SLCO3A1: variants seen among roughly 807,000 people sequenced by gnomAD.
SLCO3A1 encodes PGE1 transporter.
In SLCO3A1, 27 loss-of-function variants were observed where a neutral mutation model predicts 63.1. The ratio of observed to expected loss-of-function variants is 0.43; its 90% CI spans 0.32 to 0.59. SLCO3A1 has a LOEUF of 0.59. SLCO3A1 is among the 20% of genes least tolerant of loss of function. The pLI, the probability that SLCO3A1 is intolerant of heterozygous loss-of-function variation, is 0.09. For synonymous variants in SLCO3A1, 473 were observed against 409.9 expected, an observed-to-expected ratio of 1.15 and a Z score of -1.86; for missense variants, 773 against 945.8, an observed-to-expected ratio of 0.82 and a Z score of 2.40.
At chr15:92,088,358 CA>C (rs1192762648) in intron 2 of SLCO3A1, among the ~76,000 whole-genome samples, 1 of 152,110 alleles carries the variant, frequency 6.6e-6, no homozygotes, top group Non-Finnish European at 1.5e-5. Flanking sequence ...ATGACACACA[CA>C]AAAAAATGTT....
At chr15:91,972,371 C>T (rs960413730) in intron 2 of SLCO3A1, among the ~76,000 whole-genome samples, 11 of 151,992 alleles carry the variant, frequency 7.2e-5, no homozygotes, top group African/African-American at 2.7e-4. Flanking sequence ...GATGGAGGAG[C>T]CCCCATGATG....
At chr15:91,903,625 G>C (rs1445197462) in intron 1 of SLCO3A1, among the ~76,000 whole-genome samples, 3 of 152,154 alleles carry the variant, frequency 2.0e-5, no homozygotes, top group African/African-American at 4.8e-5. Flanking sequence ...AGTGGACACA[G>C]CTAGGGTGAA....
At position 91,897,750 on chromosome 15, in the gene SLCO3A1, C is replaced by A. The variant is rs1176908703; in HGVS notation, c.181-18243C>A. Among the ~76,000 whole-genome samples, 3 of 152,252 alleles carry A rather than the reference C, an allele frequency of 2.0e-5. No individual in the cohort carries two copies. The highest frequency in any genetic ancestry group is 2.1e-4 in the South Asian group (1 of 4,820). ...GGCTGAGTCTACCCTGCAGCGTGGG[C>A]TCCAGCAGCAGTGTGTTAAGGGCAG... On this transcript the variant is annotated intron_variant, in intron 1 of 9. Coordinates refer to ENST00000318445, the MANE Select transcript of SLCO3A1 (RefSeq NM_013272.4). The surrounding 1 kb of genome is among the most constrained non-coding windows in gnomAD (Gnocchi z 4.7).
rs561290898 is a variant in SLCO3A1 at position 91,916,707 on chromosome 15, T to G, written c.646+249T>G. On this transcript the variant is annotated intron_variant, in intron 2 of 9. Transcript: ENST00000318445. The surrounding 1 kb of genome is among the most constrained non-coding windows in gnomAD (Gnocchi z 6.2). ...GGCTAGACCACTAACACCGCTTCAGTGGGAAAACATGATCGGGAGGAGTTG... is the reference window on the plus strand; with the variant it reads ...GGCTAGACCACTAACACCGCTTCAGGGGGAAAACATGATCGGGAGGAGTTG... 4.4e-3 allele frequency among the ~76,000 whole-genome samples: 676 copies of G among 152,314 alleles called. 2 individuals carry two copies. Among genetic ancestry groups the G allele is most frequent in the Middle Eastern group, 6.8e-3 (2 of 294 alleles).
At chr15:91,899,253 G>A (rs992509002) in intron 1 of SLCO3A1, among the ~76,000 whole-genome samples, 9 of 152,138 alleles carry the variant, frequency 5.9e-5, no homozygotes, top group African/African-American at 1.9e-4. Context: ...GACTTAGAAG[G>A]GAAGCTAGTT....
intron 2 of SLCO3A1, among the ~76,000 whole-genome samples, chr15:91,946,987 C>A (rs6496880): frequency 6.6e-6 from 1 of 152,078 alleles, no homozygotes; most frequent in Non-Finnish European, 1.5e-5. Flanking sequence ...GTCAATGGTG[C>A]TCACGGAGGA....
At chr15:92,136,700 G>C (rs1464185820) in intron 7 of SLCO3A1, among the ~76,000 whole-genome samples, 1 of 152,134 alleles carries the variant, frequency 6.6e-6, no homozygotes, top group African/African-American at 2.4e-5. Context: ...GTATAAAAAG[G>C]AGGATATGAG....
At chr15:92,135,531 C>T (rs1023846371) in intron 7 of SLCO3A1, among the ~76,000 whole-genome samples, 10 of 152,108 alleles carry the variant, frequency 6.6e-5, no homozygotes, top group East Asian at 1.9e-4. Flanking sequence ...TTGCCATTGG[C>T]GCCCTTTGTG....
chr15:92,012,811 C>T (rs1201187009), intron 2 of SLCO3A1, among the ~76,000 whole-genome samples: 3 of 147,982 alleles, frequency 2.0e-5, no homozygotes, highest in Admixed American at 6.7e-5. Context: ...GAGGTAGAAA[C>T]ATCCTCAGAG....
intron 1 of SLCO3A1, among the ~76,000 whole-genome samples, chr15:91,888,192 A>G (rs8032378): frequency 0.15 from 22,624 of 152,116 alleles, 1,949 homozygotes; most frequent in East Asian, 0.38. Flanking sequence ...GGGAGTCAGG[A>G]GCTGGAAGTC....
chr15:91,983,681 T>A (rs1167522759), intron 2 of SLCO3A1, among the ~76,000 whole-genome samples: 2 of 152,152 alleles, frequency 1.3e-5, no homozygotes, highest in African/African-American at 4.8e-5. Context: ...TGTAACTCTG[T>A]GAAAATCAGT....
chr15:92,152,220 A>G (rs1398179678), intron 9 of SLCO3A1, among the ~76,000 whole-genome samples: 1 of 152,244 alleles, frequency 6.6e-6, no homozygotes, highest in Non-Finnish European at 1.5e-5. Context: ...CCGATATATG[A>G]AAGAAAAATA....
rs1485690096 is a variant in SLCO3A1, at chr15:91,948,861, C to T, written c.646+32403C>T. On this transcript the variant is annotated intron_variant, in intron 2 of 9. Coordinates refer to ENST00000318445, the MANE Select transcript of SLCO3A1 (RefSeq NM_013272.4). This position sits in a 1 kb window ranked among gnomAD's most constrained non-coding sequence, Gnocchi z 4.8. ...CAAGTGTCTCAGAGCCTGCAGAGCACCATCCATCCTCAATTCCTTTAATAA... is the reference window on the plus strand; with the variant it reads ...CAAGTGTCTCAGAGCCTGCAGAGCATCATCCATCCTCAATTCCTTTAATAA... Among the ~76,000 whole-genome samples the T allele has an allele frequency of 3.3e-5, 5 of 152,150 alleles. No homozygotes were observed. The highest frequency in any genetic ancestry group is 2.1e-4 in the South Asian group (1 of 4,824).
chr15:92,018,098 C>T (rs1262457974), intron 2 of SLCO3A1, among the ~76,000 whole-genome samples: 2 of 152,146 alleles, frequency 1.3e-5, no homozygotes, highest in African/African-American at 4.8e-5. Flanking sequence ...CTGATGCGTA[C>T]CCGAGTACAA....
chr15:92,095,134 A>C (rs1325618443), intron 3 of SLCO3A1, among the ~76,000 whole-genome samples, 155 bp downstream of exon 3: 2 of 152,224 alleles, frequency 1.3e-5, no homozygotes, highest in African/African-American at 4.8e-5. Flanking sequence ...TAGATGAAAG[A>C]ACGTGAGTGT....
intron 2 of SLCO3A1, among the ~76,000 whole-genome samples, chr15:91,977,093 A>G (rs1448797862): frequency 2.0e-5 from 3 of 152,166 alleles, no homozygotes; most frequent in Non-Finnish European, 4.4e-5. Context: ...AAACACTGTG[A>G]AAGTACCACA....
intron 2 of SLCO3A1, among the ~76,000 whole-genome samples, chr15:91,929,929 T>TA (rs1899165416): frequency 6.6e-6 from 1 of 152,212 alleles, no homozygotes; most frequent in African/African-American, 2.4e-5. Flanking sequence ...ATATTTTGTT[T>TA]GTCCATTCAT....
intron 9 of SLCO3A1, among the ~76,000 whole-genome samples, chr15:92,159,435 A>C (rs999645742): frequency 6.6e-6 from 1 of 152,002 alleles, no homozygotes; most frequent in Admixed American, 6.6e-5. Flanking sequence ...TAGTGAGCCG[A>C]GATCATGCCA....
At chr15:92,072,030 G>C (rs1156658695) in intron 2 of SLCO3A1, among the ~76,000 whole-genome samples, 1 of 152,206 alleles carries the variant, frequency 6.6e-6, no homozygotes, top group Non-Finnish European at 1.5e-5. Context: ...CTTTGTGTGA[G>C]ATGCCTGGAT....
Sources: allele counts gnomAD v4.1 joint callset (sites outside exome capture counted in the v4.1 genomes callset), GRCh38; gene constraint gnomAD v4.1.1; non-coding constraint Gnocchi (gnomAD v3.1); transcripts MANE v1.5; gene names NCBI Gene and HGNC (gene_info 2026-07-23, HGNC 2026-07-21).